HECTD4: variants seen among roughly 807,000 people sequenced by gnomAD.
The protein encoded by HECTD4 is probable E3 ubiquitin-protein ligase HECTD4.
HECTD4 carries 114 observed loss-of-function variants against 471.5 expected under a neutral mutation model. That is an observed-to-expected ratio of 0.24 (90% CI 0.21 to 0.28). The LOEUF is 0.28. HECTD4 is among the 10% of genes least tolerant of loss of function. The pLI is 1.00. For missense variants in HECTD4, 3,866 were observed against 5,651.5 expected (o/e 0.68, Z 10.13); for synonymous variants, 2,012 against 2,256.0 (o/e 0.89, Z 3.07).
In HECTD4 at chr12:112,163,000, T is replaced by C. The variant is rs1452018127; in HGVS notation, c.13120+42A>G. On this transcript the variant is annotated intron_variant, in intron 75 of 75. Transcript: ENST00000682272. The surrounding 1 kb of genome is among the most constrained non-coding windows in gnomAD (Gnocchi z 5.2). ...GCCCCAGTTCCAAACAGAGAAAGGC[T>C]AGTGTGTCCCTACTTGGGACATGGC... 7 of 1,442,114 alleles carry C rather than the reference T, an allele frequency of 4.9e-6. No individual in the cohort carries two copies. The highest frequency in any genetic ancestry group is 6.7e-6 in the Non-Finnish European group (7 of 1,040,318). The allele number at this position is 1,442,114 out of a possible 1,614,324, so 89.3% of individuals were successfully genotyped here.
chr12:112,306,562 T>C (rs1327369119), intron 6 of HECTD4, among the ~76,000 whole-genome samples: 1 of 152,228 alleles, frequency 6.6e-6, no homozygotes, highest in Non-Finnish European at 1.5e-5. Flanking sequence ...CTAACACTTA[T>C]TAAAAACAAA....
chr12:112,225,194 T>C (rs982877390), intron 44 of HECTD4, among the ~76,000 whole-genome samples: 1 of 151,644 alleles, frequency 6.6e-6, no homozygotes, highest in Non-Finnish European at 1.5e-5. Flanking sequence ...CAGACAAATT[T>C]AAAAATAAAA....
At chr12:112,313,277 A>T (rs2035406930) in intron 3 of HECTD4, 130 bp from the exon 4 acceptor site, 1 of 541,654 alleles carries the variant, frequency 1.8e-6, no homozygotes, top group South Asian at 6.4e-5. Context: ...TACAAATATT[A>T]TTCAAAAAAG....
chr12:112,163,872 T>C lies in HECTD4; in HGVS notation c.12702-135A>G, dbSNP rs1380661201. ...GGCCCAGCCGCCCTGGTCATCCCAG[T>C]CCTTTCCTGCCTCTGGTGCCGCCGC... is the stretch of plus-strand genomic sequence containing the variant. On this transcript the variant is annotated intron_variant, in intron 73 of 75. Coordinates refer to ENST00000682272, the MANE Select transcript of HECTD4 (RefSeq NM_001388303.1). This position sits in a 1 kb window ranked among gnomAD's most constrained non-coding sequence, Gnocchi z 8.2. 1.1e-6 allele frequency: 1 copy of C among 905,066 alleles called. No individual in the cohort carries two copies. Among genetic ancestry groups the C allele is most frequent in the Non-Finnish European group, 1.6e-6 (1 of 641,328 alleles). The allele number at this position is 905,066 out of a possible 1,614,324, so 56.1% of individuals were successfully genotyped here. A position where few individuals can be genotyped will look rare whatever the true frequency, so the allele number is the denominator to read the frequency against.
intron 1 of HECTD4, among the ~76,000 whole-genome samples, chr12:112,380,694 A>G (rs1003382450): frequency 2.6e-5 from 4 of 152,120 alleles, no homozygotes; most frequent in African/African-American, 9.7e-5. Context: ...AGATTGTAAA[A>G]TAAGTCAATT....
At chr12:112,257,108 C>G (rs2034031346) in intron 20 of HECTD4, among the ~76,000 whole-genome samples, 1 of 152,188 alleles carries the variant, frequency 6.6e-6, no homozygotes, top group South Asian at 2.1e-4. Context: ...ATACAAACTC[C>G]TAAGACTTAA....
chr12:112,286,770 T>C (rs1370923235), intron 7 of HECTD4, among the ~76,000 whole-genome samples: 1 of 152,210 alleles, frequency 6.6e-6, no homozygotes, highest in Admixed American at 6.5e-5. Context: ...AACACACTTA[T>C]GATAAAATCC....
intron 1 of HECTD4, among the ~76,000 whole-genome samples, chr12:112,356,964 C>T (rs535876545): frequency 6.6e-5 from 10 of 152,284 alleles, no homozygotes; most frequent in Non-Finnish European, 1.2e-4. Flanking sequence ...ATTACATTAA[C>T]AGACAGTTCG....
chr12:112,346,847 T>C (rs1355563882), intron 1 of HECTD4, among the ~76,000 whole-genome samples: 4 of 152,312 alleles, frequency 2.6e-5, no homozygotes, highest in East Asian at 3.9e-4. Flanking sequence ...GAATTTCACA[T>C]TCCTAAATCA....
At chr12:112,218,744 T>C (rs575669358) in intron 45 of HECTD4, among the ~76,000 whole-genome samples, 1 of 148,736 alleles carries the variant, frequency 6.7e-6, no homozygotes, top group South Asian at 2.1e-4. Flanking sequence ...TTTGCCCCTC[T>C]TTTTTTTTTG....
rs781129768 is a variant in HECTD4, at chr12:112,169,611, G to T, written c.12100C>A (p.Gln4034Lys). Reference protein sequence around the residue: ...ENSYFCQAARQLASVPSSQLC... With the variant: ...ENSYFCQAARKLASVPSSQLC... ...TGAGACGACGGCACTGAGGCCAGCT[G>T]CCTGGCAGCCTGACAGAAGTAGGAG... The change falls in exon 70 of 76, where the codon CAG becomes AAG. Residue 4034 changes from glutamine (Q) to lysine (K), a missense_variant. Around this residue, in one of 16 missense-constraint regions of HECTD4, gnomAD observed 715 missense variants for 1,087.6 expected, o/e 0.66. Coordinates refer to ENST00000682272, the MANE Select transcript of HECTD4 (RefSeq NM_001388303.1). 1 of 1,613,546 alleles carries T rather than the reference G, an allele frequency of 6.2e-7. No homozygotes were observed.
In HECTD4 at chr12:112,247,450, AATACGACTAACCTCAGTGATAGGACC is replaced by A. The variant is rs1369984955; in HGVS notation, c.4323_4337+11del. On this transcript the variant is annotated splice_donor_variant and splice_donor_5th_base_variant and coding_sequence_variant and intron_variant, in exon 28 of 76. Transcript: ENST00000682272. LOFTEE classifies it high-confidence loss of function. Reference sequence around the variant, plus strand: ...GGTGATAATAGCCTTAATAGTTATTAATACGACTAACCTCAGTGATAGGACCATGTTTTCAAGATCATTCCCATCAA... The same window carrying A: ...GGTGATAATAGCCTTAATAGTTATTAATGTTTTCAAGATCATTCCCATCAA... 7.2e-7 allele frequency: 1 copy of A among 1,386,720 alleles called. No homozygotes were observed. The allele number at this position is 1,386,720 out of a possible 1,614,324, so 85.9% of individuals were successfully genotyped here. A position where few individuals can be genotyped will look rare whatever the true frequency, so the allele number is the denominator to read the frequency against.
chr12:112,258,224 C>T (rs898056278), intron 20 of HECTD4, among the ~76,000 whole-genome samples: 5 of 151,750 alleles, frequency 3.3e-5, no homozygotes, highest in African/African-American at 1.2e-4. Flanking sequence ...AAACTGCCTG[C>T]CAAAGTCATA....
intron 43 of HECTD4, among the ~76,000 whole-genome samples, chr12:112,227,751 GC>G (rs2033279276): frequency 6.6e-6 from 1 of 152,102 alleles, no homozygotes; most frequent in Non-Finnish European, 1.5e-5. Flanking sequence ...CGATTCTCCT[GC>G]CTCAAGGTAG....
At position 112,211,531 on chromosome 12, in the gene HECTD4, G is replaced by GA. The variant is rs550197035; in HGVS notation, c.7629+955dup. 1.2e-3 allele frequency among the ~76,000 whole-genome samples: 165 copies of GA among 140,076 alleles called. 1 individual carries two copies. Among genetic ancestry groups the GA allele is most frequent in the East Asian group, 1.2e-3 (6 of 4,920 alleles). The allele number at this position is 140,076 out of a possible 152,430, so 91.9% of individuals were successfully genotyped here. A position where few individuals can be genotyped will look rare whatever the true frequency, so the allele number is the denominator to read the frequency against. On this transcript the variant is annotated intron_variant, in intron 49 of 75. Coordinates refer to ENST00000682272, the MANE Select transcript of HECTD4 (RefSeq NM_001388303.1). ...TTACCTTAGAGATGTCCTGAAGGGG[G>GA]AAAAAAAAAAAAAAGATAAGACGTG...
At position 112,170,470 on chromosome 12, in the gene HECTD4, G is replaced by A. The variant is rs752713828; in HGVS notation, c.11933-18C>T. The A allele has an allele frequency of 1.4e-5, 23 of 1,613,016 alleles. No homozygotes were observed. The Admixed American group carries it at 3.5e-4, about 25-fold the overall frequency. ...GATCAGCCCTAAGGAGAGGAACGTG[G>A]GAGAGGCTTGGGTGGGGCTTTGTCC... On this transcript the variant is annotated intron_variant, in intron 68 of 75. Transcript: ENST00000682272.
chr12:112,352,362 T>C (rs1314106714), intron 1 of HECTD4, among the ~76,000 whole-genome samples: 2 of 147,378 alleles, frequency 1.4e-5, no homozygotes, highest in Non-Finnish European at 3.0e-5. Context: ...TGAGACAGAG[T>C]CTTGCTCTTG....
intron 1 of HECTD4, among the ~76,000 whole-genome samples, chr12:112,373,958 C>T (rs1461325907): frequency 2.7e-5 from 4 of 148,064 alleles, no homozygotes; most frequent in Non-Finnish European, 5.9e-5. Flanking sequence ...GAGCTGCGAT[C>T]GTGCTATTGC....
At chr12:112,200,255 T>C (rs1197566574) in intron 55 of HECTD4, among the ~76,000 whole-genome samples, 5 of 151,844 alleles carry the variant, frequency 3.3e-5, no homozygotes, top group African/African-American at 9.7e-5. Flanking sequence ...TCGGGTTCAA[T>C]AGATTCTCCT....
Sources: allele counts gnomAD v4.1 joint callset (sites outside exome capture counted in the v4.1 genomes callset), GRCh38; gene constraint gnomAD v4.1.1; regional missense constraint gnomAD v4.1.1; non-coding constraint Gnocchi (gnomAD v3.1); transcripts MANE v1.5; gene names NCBI Gene and HGNC (gene_info 2026-07-23, HGNC 2026-07-21).